The following SARDH variants were observed in gnomAD, a reference collection of about 807,000 sequenced individuals.
SARDH encodes sarcosine dehydrogenase.
SARDH carries 95 observed loss-of-function variants against 109.1 expected under a neutral mutation model. The ratio of observed to expected loss-of-function variants is 0.87; its 90% CI spans 0.74 to 1.03. The LOEUF is 1.03. Among genes scored for constraint, SARDH ranks in the 50% least tolerant of loss-of-function variants. SARDH has a pLI of 0.00. For missense variants in SARDH, 1,267 were observed against 1,287.8 expected (o/e 0.98, Z 0.25); for synonymous variants, 572 against 534.8 (o/e 1.07, Z -0.96).
rs1832722737 is a variant in SARDH at position 133,732,493 on chromosome 9, C to T, written c.440G>A (p.Trp147Ter). Reference sequence around the variant, plus strand: ...GATGAAGAGGCCCCCATTCTGGATCCAGCCCGTGTGTAGTCCCGTCTCCTC... The same window carrying T: ...GATGAAGAGGCCCCCATTCTGGATCTAGCCCGTGTGTAGTCCCGTCTCCTC... ...LEEETGLHTG[W>*]IQNGGLFIAS... The change falls in exon 3 of 21, where the codon TGG becomes TAG. Residue 147 changes from tryptophan to a stop codon, truncating the protein, a stop_gained. Transcript: ENST00000439388. LOFTEE classifies it high-confidence loss of function. 6.2e-7 allele frequency: 1 copy of T among 1,613,696 alleles called. No individual in the cohort carries two copies. Among genetic ancestry groups the T allele is most frequent in the African/African-American group, 1.3e-5 (1 of 74,878 alleles).
intron 10 of SARDH, among the ~76,000 whole-genome samples, chr9:133,711,810 G>A (rs987606054): frequency 9.9e-5 from 15 of 152,156 alleles, no homozygotes; most frequent in South Asian, 6.2e-4. Context: ...CCTCCAAGCC[G>A]TCCTGCCTCG....
intron 1 of SARDH, among the ~76,000 whole-genome samples, chr9:133,737,281 A>G (rs1832915818): frequency 6.6e-6 from 1 of 152,116 alleles, no homozygotes; most frequent in Non-Finnish European, 1.5e-5. Flanking sequence ...CAAGGGAGGG[A>G]GCAGGGAGTC....
Position 133,690,418 on chromosome 9 carries a change from G to A in SARDH, c.2031C>T (p.Ser677=), listed in dbSNP as rs145933501. The change falls in exon 16 of 21, where the codon TCC becomes TCT. Residue 677 remains serine (S), a synonymous_variant. Transcript: ENST00000439388. ...QKSQCQLIDS[S]EDLGMISIQG... ...GGATACTGATCATACCCAGGTCCTC[G>A]GAGCTGTCGATGAGCTGGCACTGGG... 318 of 1,613,246 alleles carry A rather than the reference G, an allele frequency of 2.0e-4. No individual in the cohort carries two copies. The highest frequency in any genetic ancestry group is 6.5e-4 in the Admixed American group (39 of 60,024).
chr9:133,702,766 A>G (rs1159437276), intron 13 of SARDH, 150 bp downstream of exon 13: 4 of 670,060 alleles, frequency 6.0e-6, no homozygotes, highest in Admixed American at 2.3e-5. Flanking sequence ...CCTCCTCAAA[A>G]TGGAGTCAGC....
At chr9:133,678,654 C>G (rs2519131) in intron 17 of SARDH, among the ~76,000 whole-genome samples, 71,713 of 152,064 alleles carry the variant, frequency 0.47, 19,166 homozygotes, top group African/African-American at 0.74. Flanking sequence ...GGGAGCTGCA[C>G]AGCTGGCCTC....
intron 1 of SARDH, among the ~76,000 whole-genome samples, chr9:133,737,014 G>A (rs753594398): frequency 2.0e-5 from 3 of 152,198 alleles, no homozygotes; most frequent in African/African-American, 4.8e-5. Flanking sequence ...TCTGACACAC[G>A]GAGAGGCTCC....
At chr9:133,734,387 A>ATTCATTCACTCATTCC in intron 1 of SARDH, among the ~76,000 whole-genome samples, 184 bp from the exon 2 acceptor site, 1 of 147,420 alleles carries the variant, frequency 6.8e-6, no homozygotes, top group Non-Finnish European at 1.5e-5. Context: ...TCACTCATTC[A>ATTCATTCACTCATTCC]TTCATTCACT....
chr9:133,690,497 G>A lies in SARDH; in HGVS notation c.1952C>T (p.Ala651Val). The A allele has an allele frequency of 6.2e-7, 1 of 1,609,158 alleles. No individual in the cohort carries two copies. The highest frequency in any genetic ancestry group is 8.5e-7 in the Non-Finnish European group (1 of 1,179,292). ...GDGYYLAMGG[A>V]VAQHNWSHIT... Reference sequence around the variant, plus strand: ...GTGGGACCAGTTGTGCTGGGCCACGGCCCCGCCCATGGCCAGGTAGTAACC... The same window carrying A: ...GTGGGACCAGTTGTGCTGGGCCACGACCCCGCCCATGGCCAGGTAGTAACC... The change falls in exon 16 of 21, where the codon GCC (alanine) becomes GTC (valine). Residue 651 changes from alanine (A) to valine (V), a missense_variant. Ala to Val is a moderately conservative substitution (Grantham distance 64). Coordinates refer to ENST00000439388, the MANE Select transcript of SARDH (RefSeq NM_001134707.2).
rs758053576 is a variant in SARDH at position 133,713,073 on chromosome 9, C to T, written c.1202G>A (p.Arg401Gln). Reference protein sequence around the residue: ...KPLMGEAPELRGFFLGCGFNS... With the variant: ...KPLMGEAPELQGFFLGCGFNS... ...GAAGCCACAGCCCAGGAAGAACCCT[C>T]GGAGCTCAGGTGCCTCCCCCATCAG... Residue 401 changes from arginine (R) to glutamine (Q), a missense_variant, in exon 9 of 21, where the codon CGA (arginine) becomes CAA (glutamine). Arg to Gln is a conservative substitution (Grantham distance 43). Coordinates refer to ENST00000439388, the MANE Select transcript of SARDH (RefSeq NM_001134707.2). The T allele has an allele frequency of 2.1e-5, 34 of 1,613,148 alleles. No homozygotes were observed. The highest frequency in any genetic ancestry group is 6.7e-5 in the Admixed American group (4 of 59,950).
chr9:133,678,884 T>G (rs1830603987), intron 17 of SARDH, among the ~76,000 whole-genome samples: 1 of 152,242 alleles, frequency 6.6e-6, no homozygotes, highest in Admixed American at 6.5e-5. Flanking sequence ...CTGTCTCCCA[T>G]GCCCCTGATA....
At position 133,712,986 on chromosome 9, in the gene SARDH, G is replaced by T; in HGVS notation, c.1237+52C>A. The T allele has an allele frequency of 2.0e-6, 3 of 1,537,434 alleles. No homozygotes were observed. Among genetic ancestry groups the T allele is most frequent in the Non-Finnish European group, 2.7e-6 (3 of 1,127,928 alleles). On this transcript the variant is annotated intron_variant, in intron 9 of 20. Transcript: ENST00000439388. The surrounding 1 kb of genome is among the most constrained non-coding windows in gnomAD (Gnocchi z 4.1). ...GCGCCCGCCTCCCCCAGAGCTCTGG[G>T]AATGACAGGACCTCCCTCTTGGGGG...
chr9:133,735,819 G>A (rs1327849900), intron 1 of SARDH, among the ~76,000 whole-genome samples: 7 of 152,194 alleles, frequency 4.6e-5, no homozygotes, highest in South Asian at 2.1e-4. Flanking sequence ...CGAGGCAGGC[G>A]GATCACCTGA....
At chr9:133,670,284 G>C (rs1267882001) in intron 19 of SARDH, among the ~76,000 whole-genome samples, 2 of 148,542 alleles carry the variant, frequency 1.3e-5, no homozygotes, top group Non-Finnish European at 3.0e-5. Context: ...AGCCGAGATT[G>C]CGCCACTGCA....
chr9:133,718,797 C>T lies in SARDH; in HGVS notation c.1020+141G>A, dbSNP rs563587182. The T allele has an allele frequency of 2.5e-6, 2 of 803,952 alleles. No homozygotes were observed. Among genetic ancestry groups the T allele is most frequent in the Non-Finnish European group, 4.5e-6 (2 of 440,060 alleles). The allele number at this position is 803,952 out of a possible 1,614,324, so 49.8% of individuals were successfully genotyped here. On this transcript the variant is annotated intron_variant, in intron 7 of 20. Coordinates refer to ENST00000439388, the MANE Select transcript of SARDH (RefSeq NM_001134707.2). The surrounding 1 kb of genome is among the most constrained non-coding windows in gnomAD (Gnocchi z 4.2). ...AGGGTAAGAGCAAGATGGCTTTGAG[C>T]TTGGTGGGGTCAGGGGACCGGCCAC...
At chr9:133,715,643 G>A in intron 8 of SARDH, among the ~76,000 whole-genome samples, 1 of 152,180 alleles carries the variant, frequency 6.6e-6, no homozygotes, top group East Asian at 1.9e-4. Flanking sequence ...TCTGTGTCGG[G>A]ACTCTTCCCT....
intron 8 of SARDH, among the ~76,000 whole-genome samples, chr9:133,715,401 C>T (rs1175937520): frequency 1.3e-5 from 2 of 152,164 alleles, no homozygotes; most frequent in Non-Finnish European, 2.9e-5. Context: ...CTGTGTTTCT[C>T]GCTGCCAGAC....
Position 133,708,372 on chromosome 9 carries a change from T to C in SARDH, c.1385A>G (p.Glu462Gly). 1.2e-6 allele frequency: 2 copies of C among 1,613,134 alleles called. No homozygotes were observed. The highest frequency in any genetic ancestry group is 1.7e-6 in the Non-Finnish European group (2 of 1,179,680). The change falls in exon 11 of 21, where the codon GAG becomes GGG. Residue 462 changes from glutamate to glycine, a missense_variant. By Grantham distance (98) the Glu-to-Gly change is moderately conservative. Coordinates refer to ENST00000439388, the MANE Select transcript of SARDH (RefSeq NM_001134707.2). ...HPRWIRERSHESYAKNYSVVF... is the reference protein window; with the variant it reads ...HPRWIRERSHGSYAKNYSVVF... ...GACGGAGTAGTTCTTGGCGTAGGAC[T>C]CATGGCTTCGCTCTCGGATCCAGCG...
At position 133,731,319 on chromosome 9, in the gene SARDH, C is replaced by T. The variant is rs1422669810; in HGVS notation, c.676G>A (p.Ala226Thr). Residue 226 changes from alanine (A) to threonine (T), a missense_variant, in exon 4 of 21, where the codon GCC becomes ACC. By Grantham distance (58) the Ala-to-Thr change is moderately conservative (BLOSUM62 0). Transcript: ENST00000439388. ...GCCATCAGTACCTGTGCTCCTCGGGCAGAAGCTGCCCTGGCGAGGGTGGTA... is the reference window on the plus strand; with the variant it reads ...GCCATCAGTACCTGTGCTCCTCGGGTAGAAGCTGCCCTGGCGAGGGTGGTA... ...TCTTLARAAS[A>T]RGAQVIENCP... is the part of the protein sequence containing the mutation. The T allele has an allele frequency of 2.5e-6, 4 of 1,614,118 alleles. No individual in the cohort carries two copies. Among genetic ancestry groups the T allele is most frequent in the Non-Finnish European group, 3.4e-6 (4 of 1,179,986 alleles).
chr9:133,717,707 C>G (rs184932563), intron 7 of SARDH, among the ~76,000 whole-genome samples: 1 of 152,264 alleles, frequency 6.6e-6, no homozygotes, highest in East Asian at 1.9e-4. Context: ...ATGCCCCTTC[C>G]CTACTCACAA....
Sources: gnomAD v4.1 joint callset for allele counts (sites outside exome capture counted in the v4.1 genomes callset) on GRCh38, gnomAD v4.1.1 for gene constraint, Gnocchi (gnomAD v3.1) non-coding constraint, MANE v1.5 for transcripts, NCBI Gene and HGNC (gene_info 2026-07-23, HGNC 2026-07-21) for gene names.